Variants in GLG1 observed in about 807,000 individuals in gnomAD.
GLG1 encodes golgi glycoprotein 1.
In GLG1, 38 loss-of-function variants were observed where a neutral mutation model predicts 160.5. The observed-to-expected ratio is 0.24, with a 90% CI of 0.18 to 0.31. The LOEUF is 0.31. Ranked by LOEUF, GLG1 falls within the 10% of genes least tolerant of loss-of-function variation. The probability of loss-of-function intolerance (pLI) is 1.00; values close to 1 mark genes in which losing one functional copy is unlikely to be tolerated. For missense variants in GLG1, 1,373 were observed against 1,505.2 expected, an observed-to-expected ratio of 0.91 and a Z score of 1.45; for synonymous variants, 644 against 543.4, an observed-to-expected ratio of 1.19 and a Z score of -2.57.
chr16:74,476,283 T>C (rs2015388263), intron 12 of GLG1, among the ~76,000 whole-genome samples: 1 of 152,190 alleles, frequency 6.6e-6, no homozygotes, highest in South Asian at 2.1e-4. Context: ...TAAAGGAAAC[T>C]ATTTTCTGGG....
intron 1 of GLG1, among the ~76,000 whole-genome samples, chr16:74,546,837 C>CAAAAAAAAAAAAAAAAA (rs71376218): frequency 1.2e-4 from 7 of 59,694 alleles, no homozygotes; most frequent in Admixed American, 2.7e-4. Context: ...GACTCCATCT[C>CAAAAAAAAAAAAAAAAA]AAAAAAAAAA....
rs138842904 is a variant in GLG1, at chr16:74,452,127, G to A, written c.*1040C>T. 194 of 1,613,896 alleles carry A rather than the reference G, an allele frequency of 1.2e-4. No individual in the cohort carries two copies. In the African/African-American group the frequency reaches 2.1e-3, roughly 18 times the overall value. On this transcript the variant is annotated 3_prime_UTR_variant, in exon 26 of 26. Coordinates refer to ENST00000422840, the MANE Select transcript of GLG1 (RefSeq NM_001145667.2). ...TAAGCCATTGTCTCTGACCTGTATT[G>A]TAGCCTGAAAAATAAAGCAAAGTGA...
rs181522344 is a variant in GLG1 at position 74,589,419 on chromosome 16, G to A, written c.438+17238C>T. Among the ~76,000 whole-genome samples the A allele has an allele frequency of 1.5e-3, 233 of 152,228 alleles. 3 individuals are homozygous for A. The South Asian group carries it at 0.015, about 10-fold the overall frequency. On this transcript the variant is annotated intron_variant, in intron 1 of 25. Coordinates refer to ENST00000422840, the MANE Select transcript of GLG1 (RefSeq NM_001145667.2). ...TAGCTGGCAGGGGAAGAGAAGCAGC[G>A]GGCTGTGCTGAGGGAAGGGCACTGG...
At chr16:74,524,535 T>C (rs772974550) in intron 2 of GLG1, among the ~76,000 whole-genome samples, 2 of 151,836 alleles carry the variant, frequency 1.3e-5, no homozygotes, top group Non-Finnish European at 2.9e-5. Flanking sequence ...AGTACTATGG[T>C]CTTTTTTTTT....
chr16:74,579,696 T>G (rs753827802), intron 1 of GLG1, among the ~76,000 whole-genome samples: 22 of 151,296 alleles, frequency 1.5e-4, no homozygotes, highest in Non-Finnish European at 2.7e-4. Flanking sequence ...CACTCCAGCA[T>G]GGGTGACAGC....
chr16:74,538,111 G>A (rs892274371), intron 1 of GLG1, among the ~76,000 whole-genome samples: 1 of 150,548 alleles, frequency 6.6e-6, no homozygotes, highest in Non-Finnish European at 1.5e-5. Flanking sequence ...TAAAGGAATA[G>A]GGTCCTTTTT....
chr16:74,590,125 G>A (rs1686814729), intron 1 of GLG1, among the ~76,000 whole-genome samples: 1 of 151,686 alleles, frequency 6.6e-6, no homozygotes, highest in Non-Finnish European at 1.5e-5. Flanking sequence ...AGCCTTCCAA[G>A]TAGTAGGGAC....
chr16:74,590,621 C>CAAAAAA (rs11321370), intron 1 of GLG1, among the ~76,000 whole-genome samples: 2 of 76,258 alleles, frequency 2.6e-5, no homozygotes, highest in Non-Finnish European at 4.8e-5. Flanking sequence ...ACTCCGTCTC[C>CAAAAAA]AAAAAAAAAA....
At position 74,564,607 on chromosome 16, in the gene GLG1, G is replaced by A. The variant is rs551875815; in HGVS notation, c.439-32454C>T. Among the ~76,000 whole-genome samples, 4 of 152,260 alleles carry A rather than the reference G, an allele frequency of 2.6e-5. No individual in the cohort carries two copies. In the South Asian group the frequency reaches 8.3e-4, roughly 32 times the overall value. On this transcript the variant is annotated intron_variant, in intron 1 of 25. Transcript: ENST00000422840. Reference sequence around the variant, plus strand: ...AGTGCTAGGACTGGAAACCCAAAAGGATGGTAACTGAGTAGCACTAAAGCC... The same window carrying A: ...AGTGCTAGGACTGGAAACCCAAAAGAATGGTAACTGAGTAGCACTAAAGCC...
intron 1 of GLG1, among the ~76,000 whole-genome samples, chr16:74,594,494 T>C (rs1248092176): frequency 6.6e-6 from 1 of 152,212 alleles, no homozygotes; most frequent in East Asian, 1.9e-4. Context: ...ACACTCCTTG[T>C]TCCTTCACAC....
chr16:74,527,145 T>C (rs1209655332), intron 2 of GLG1, among the ~76,000 whole-genome samples: 1 of 152,182 alleles, frequency 6.6e-6, no homozygotes, highest in Admixed American at 6.6e-5. Flanking sequence ...TAAAATTATA[T>C]TTTTATTCCT....
rs1245427982 is a variant in GLG1 at position 74,573,559 on chromosome 16, C to A, written c.438+33098G>T. On this transcript the variant is annotated intron_variant, in intron 1 of 25. Coordinates refer to ENST00000422840, the MANE Select transcript of GLG1 (RefSeq NM_001145667.2). The stretch of plus-strand genomic sequence containing the variant: ...AAAGCTGGCATGAATCCTCATCTTC[C>A]TTCCCCTTTTATTTATCTTGCCTTT... Among the ~76,000 whole-genome samples, 5 of 147,708 alleles carry A rather than the reference C, an allele frequency of 3.4e-5. No individual in the cohort carries two copies. In the East Asian group the frequency reaches 9.9e-4, roughly 29 times the overall value.
intron 1 of GLG1, among the ~76,000 whole-genome samples, chr16:74,546,680 A>C (rs1219636594): frequency 6.6e-6 from 1 of 151,612 alleles, no homozygotes; most frequent in Non-Finnish European, 1.5e-5. Context: ...TCTACTAAAA[A>C]TACAAAAGTT....
At chr16:74,479,993 TA>T (rs371660678) in intron 11 of GLG1, among the ~76,000 whole-genome samples, 29 of 148,158 alleles carry the variant, frequency 2.0e-4, no homozygotes, top group South Asian at 2.1e-4. Context: ...TTTTGGGAAT[TA>T]AAAAAAAAAA....
chr16:74,527,725 A>G (rs1273837749), intron 2 of GLG1, among the ~76,000 whole-genome samples: 1 of 151,714 alleles, frequency 6.6e-6, no homozygotes, highest in African/African-American at 2.4e-5. Context: ...TTGTCTGATA[A>G]CACCTATTTT....
At chr16:74,605,507 T>C (rs1029821309) in intron 1 of GLG1, among the ~76,000 whole-genome samples, 1 of 152,196 alleles carries the variant, frequency 6.6e-6, no homozygotes, top group African/African-American at 2.4e-5. Context: ...CAGAGGACTA[T>C]CCCTCTAGTC....
At chr16:74,538,643 T>C (rs2017749434) in intron 1 of GLG1, among the ~76,000 whole-genome samples, 1 of 152,096 alleles carries the variant, frequency 6.6e-6, no homozygotes, top group Admixed American at 6.6e-5. Flanking sequence ...CACTAAAGAG[T>C]TGTAGCTGCT....
intron 1 of GLG1, among the ~76,000 whole-genome samples, chr16:74,592,040 TTGCCAAAC>T (rs1423390752): frequency 6.6e-6 from 1 of 152,226 alleles, no homozygotes; most frequent in East Asian, 1.9e-4. Context: ...TCTCACCGTA[TTGCCAAAC>T]TGGTCTCAAA....
At chr16:74,468,226 C>CAT in intron 17 of GLG1, 1 of 83,312 alleles carries the variant, frequency 1.2e-5, no homozygotes, top group South Asian at 4.2e-4. Context: ...CTTGAAATGT[C>CAT]TTTTTTTTTT....
Sources: gnomAD v4.1 joint callset for allele counts (sites outside exome capture counted in the v4.1 genomes callset) on GRCh38, gnomAD v4.1.1 for gene constraint, MANE v1.5 for transcripts, NCBI Gene and HGNC (gene_info 2026-07-23, HGNC 2026-07-21) for gene names.